The following IDE variants were observed in gnomAD, a reference collection of about 807,000 sequenced individuals.
IDE encodes insulin-degrading enzyme.
A neutral mutation model predicts 133.2 loss-of-function variants in IDE; 58 were observed. The observed-to-expected ratio is 0.44, with a 90% CI of 0.35 to 0.54. The LOEUF is 0.54. Ranked by LOEUF, IDE falls within the 20% of genes least tolerant of loss-of-function variation. IDE has a pLI of 0.00. For synonymous variants in IDE, 396 were observed against 421.3 expected (o/e 0.94, Z 0.73); for missense variants, 981 against 1,234.0 (o/e 0.79, Z 3.07).
intron 13 of IDE, among the ~76,000 whole-genome samples, chr10:92,485,076 T>C (rs540485626): frequency 6.6e-6 from 1 of 151,438 alleles, no homozygotes; most frequent in Non-Finnish European, 1.5e-5. Context: ...AAAAACTGTG[T>C]GAGATAATAA....
rs1214753328 is a variant in IDE, at chr10:92,474,966, T to C, written c.1996-5A>G. On this transcript the variant is annotated splice_region_variant and splice_polypyrimidine_tract_variant and intron_variant, in intron 16 of 24. Transcript: ENST00000265986. ...ATTGTTAAGAGATCGCATATACTAG[T>C]GAAAGAGACATGCGTTCATTAATTT... 1 of 1,594,074 alleles carries C rather than the reference T, an allele frequency of 6.3e-7. No individual in the cohort carries two copies. Among genetic ancestry groups the C allele is most frequent in the African/African-American group, 1.4e-5 (1 of 73,680 alleles).
chr10:92,505,289 G>C (rs1042495366), intron 10 of IDE, among the ~76,000 whole-genome samples: 5 of 152,120 alleles, frequency 3.3e-5, no homozygotes, highest in Admixed American at 6.6e-5. Flanking sequence ...TTTATGAACA[G>C]AATTTCCTCC....
intron 15 of IDE, among the ~76,000 whole-genome samples, chr10:92,477,931 G>A (rs1345619147): frequency 1.3e-5 from 2 of 152,002 alleles, no homozygotes; most frequent in Non-Finnish European, 2.9e-5. Flanking sequence ...AAAAGTCACT[G>A]GAAAATAAAT....
Position 92,573,998 on chromosome 10 carries a change from G to T in IDE, c.22C>A (p.Leu8Ile). 1 of 1,510,808 alleles carries T rather than the reference G, an allele frequency of 6.6e-7. No individual in the cohort carries two copies. Among genetic ancestry groups the T allele is most frequent in the Admixed American group, 2.2e-5 (1 of 45,372 alleles). 93.6% of individuals were successfully genotyped at this position (1,510,808 alleles called of 1,614,324 possible). A position where few individuals can be genotyped will look rare whatever the true frequency, so the allele number is the denominator to read the frequency against. Residue 8 changes from leucine (L) to isoleucine (I), a missense_variant, in exon 1 of 25, where the codon CTT becomes ATT. Coordinates refer to ENST00000265986, the MANE Select transcript of IDE (RefSeq NM_004969.4). ...GTGCTGGGCAGTGCGGGGTGCAGAA[G>T]CCACGCTAGCCGGTACCGCATTAGC... MRYRLAW[L>I]LHPALPSTFR...
At chr10:92,465,638 G>A (rs1845643370) in intron 20 of IDE, 38 bp downstream of exon 20, 2 of 1,549,370 alleles carry the variant, frequency 1.3e-6, no homozygotes, top group African/African-American at 1.4e-5. Flanking sequence ...ATTCATCAAA[G>A]TCTACAGTAC....
Position 92,506,460 on chromosome 10 carries a change from C to T in IDE, c.1308G>A (p.Lys436=), listed in dbSNP as rs1381738148. Residue 436 remains lysine (K), a synonymous_variant, in exon 10 of 25, where the codon AAG becomes AAA. Transcript: ENST00000265986. The part of the protein sequence containing the change: ...DKERPRGYTS[K]IAGILHYYPL... ...AACTTACATGCAATATTCCTGCAATCTTAGATGTATAGCCCCGTGGCCTCT... is the reference window on the plus strand; with the variant it reads ...AACTTACATGCAATATTCCTGCAATTTTAGATGTATAGCCCCGTGGCCTCT... The T allele has an allele frequency of 4.5e-6, 7 of 1,570,776 alleles. No homozygotes were observed. The highest frequency in any genetic ancestry group is 5.2e-6 in the Non-Finnish European group (6 of 1,143,932).
In IDE at chr10:92,538,026, C is replaced by A. The variant is rs553087179; in HGVS notation, c.99-476G>T. 3.6e-4 allele frequency among the ~76,000 whole-genome samples: 55 copies of A among 152,134 alleles called. No individual in the cohort carries two copies. In the South Asian group the frequency reaches 0.011, roughly 30 times the overall value. On this transcript the variant is annotated intron_variant, in intron 1 of 24. Transcript: ENST00000265986. Reference sequence around the variant, plus strand: ...CAGCTGGGACCACAGGCACTCAACACCACACCCAGTTAATTTTTTGCATTT... The same window carrying A: ...CAGCTGGGACCACAGGCACTCAACAACACACCCAGTTAATTTTTTGCATTT...
At chr10:92,528,564 T>C (rs926520515) in intron 4 of IDE, among the ~76,000 whole-genome samples, 3 of 152,080 alleles carry the variant, frequency 2.0e-5, no homozygotes, top group Non-Finnish European at 2.9e-5. Flanking sequence ...CAAACACATA[T>C]ATGTACTCTG....
intron 4 of IDE, 45 bp from the exon 5 acceptor site, chr10:92,515,087 G>GGAGCTGAAAACCAAGGCTC: frequency 1.3e-6 from 2 of 1,514,124 alleles, no homozygotes; most frequent in Non-Finnish European, 1.8e-6. Context: ...CAAAATATGT[G>GGAGCTGAAAACCAAGGCTC]GACTTTTAAA....
intron 20 of IDE, among the ~76,000 whole-genome samples, chr10:92,465,203 T>C (rs1239174059): frequency 1.3e-5 from 2 of 152,212 alleles, no homozygotes; most frequent in African/African-American, 4.8e-5. Flanking sequence ...TTTGAGCTTC[T>C]TTCCTCATTG....
At chr10:92,551,029 T>C (rs771832288) in intron 1 of IDE, among the ~76,000 whole-genome samples, 1 of 152,222 alleles carries the variant, frequency 6.6e-6, no homozygotes, top group South Asian at 2.1e-4. Flanking sequence ...AGAATTACCA[T>C]GTGATCTAAC....
rs568196040 is a variant in IDE at position 92,497,503 on chromosome 10, G to T, written c.1431-6908C>A. Among the ~76,000 whole-genome samples, 16 of 152,260 alleles carry T rather than the reference G, an allele frequency of 1.1e-4. No individual in the cohort carries two copies. The South Asian group carries it at 3.3e-3, about 32-fold the overall frequency. ...CACCTTGGATTTTGATATCCATGGG[G>T]GTCTTGGAACCAATCCCCTGCGGAT... On this transcript the variant is annotated intron_variant, in intron 11 of 24. Transcript: ENST00000265986.
chr10:92,557,874 C>CAAAAAAAAAAAAAAAAAAAAAA, intron 1 of IDE, among the ~76,000 whole-genome samples: 1 of 108,340 alleles, frequency 9.2e-6, no homozygotes, highest in Non-Finnish European at 1.8e-5. Flanking sequence ...GATTCCACCT[C>CAAAAAAAAAAAAAAAAAAAAAA]AAAAAAAAAA....
At chr10:92,492,812 A>G (rs779145923) in intron 11 of IDE, among the ~76,000 whole-genome samples, 1 of 152,000 alleles carries the variant, frequency 6.6e-6, no homozygotes, top group Non-Finnish European at 1.5e-5. Flanking sequence ...AACCTCCCCA[A>G]CTTCAACGCT....
intron 10 of IDE, among the ~76,000 whole-genome samples, 179 bp downstream of exon 10, chr10:92,506,263 G>A (rs1416270301): frequency 2.0e-5 from 3 of 152,012 alleles, no homozygotes; most frequent in Non-Finnish European, 4.4e-5. Flanking sequence ...TAAATTTCAC[G>A]ATGATGAAAA....
chr10:92,537,546 G>T lies in IDE; in HGVS notation c.103C>A (p.Gln35Lys). 1 of 1,585,624 alleles carries T rather than the reference G, an allele frequency of 6.3e-7. No individual in the cohort carries two copies. Among genetic ancestry groups the T allele is most frequent in the South Asian group, 1.2e-5 (1 of 86,214 alleles). ...TTCATTTTGCTGTAAGTCTTTTTTT[G>T]GAAACTGAAAAGAAAGAGATTTTTA... ...LPPPERLCGF[Q>K]KKTYSKMNNP... Residue 35 changes from glutamine to lysine, a missense_variant, in exon 2 of 25, where the codon CAA becomes AAA. Transcript: ENST00000265986.
intron 14 of IDE, among the ~76,000 whole-genome samples, chr10:92,480,391 G>A (rs1239021642): frequency 6.6e-6 from 1 of 152,150 alleles, no homozygotes; most frequent in African/African-American, 2.4e-5. Context: ...TAGCTAGAGG[G>A]GACACATAAT....
intron 12 of IDE, among the ~76,000 whole-genome samples, chr10:92,488,091 G>A (rs948811818): frequency 6.6e-6 from 1 of 151,358 alleles, no homozygotes; most frequent in Admixed American, 6.6e-5. Flanking sequence ...CACCATGCCC[G>A]GCCTCACTTC....
At chr10:92,526,583 T>C (rs916225754) in intron 4 of IDE, among the ~76,000 whole-genome samples, 1 of 152,090 alleles carries the variant, frequency 6.6e-6, no homozygotes, top group Non-Finnish European at 1.5e-5. Context: ...TGATGGTTCA[T>C]GCCTGTAACC....
Sources: gnomAD v4.1 joint callset for allele counts (sites outside exome capture counted in the v4.1 genomes callset) on GRCh38, gnomAD v4.1.1 for gene constraint, MANE v1.5 for transcripts, NCBI Gene and HGNC (gene_info 2026-07-23, HGNC 2026-07-21) for gene names.